PDSS2: variants seen among roughly 807,000 people sequenced by gnomAD.
PDSS2 encodes all trans-polyprenyl-diphosphate synthase PDSS2.
Under a neutral mutation model 44.5 loss-of-function variants are expected in PDSS2, and 31 were observed. The observed-to-expected ratio is 0.70, with a 90% CI of 0.52 to 0.94. The LOEUF (loss-of-function observed/expected upper bound fraction) is 0.94. Among genes scored for constraint, PDSS2 ranks in the 40% least tolerant of loss-of-function variants. PDSS2 has a pLI of 0.00. For synonymous variants in PDSS2, 157 were observed against 180.3 expected (o/e 0.87, Z 1.03); for missense variants, 452 against 482.2 (o/e 0.94, Z 0.59).
intron 1 of PDSS2, among the ~76,000 whole-genome samples, chr6:107,386,688 C>T (rs144851791): frequency 6.6e-6 from 1 of 152,306 alleles, no homozygotes; most frequent in East Asian, 1.9e-4. Flanking sequence ...GATTAGGGTA[C>T]AGCAGACTGC....
chr6:107,282,801 G>A (rs1273797490), intron 2 of PDSS2, among the ~76,000 whole-genome samples: 4 of 150,522 alleles, frequency 2.7e-5, no homozygotes, highest in African/African-American at 7.3e-5. Context: ...CCTGGGAGGC[G>A]GAGCTTGCAG....
At chr6:107,215,539 A>G (rs1339403950) in intron 4 of PDSS2, among the ~76,000 whole-genome samples, 2 of 152,216 alleles carry the variant, frequency 1.3e-5, no homozygotes, top group African/African-American at 4.8e-5. Context: ...ACACAACACC[A>G]CTGATATTTA....
chr6:107,182,872 T>C (rs184180973), intron 7 of PDSS2, among the ~76,000 whole-genome samples: 2 of 152,200 alleles, frequency 1.3e-5, no homozygotes, highest in East Asian at 1.9e-4. Flanking sequence ...GAAAAATAAC[T>C]GGTTTAATCT....
rs906468494 is a variant in PDSS2 at position 107,255,344 on chromosome 6, T to A, written c.631-9725A>T. Among the ~76,000 whole-genome samples, 70 of 151,756 alleles carry A rather than the reference T, an allele frequency of 4.6e-4. 1 individual carries two copies. Among genetic ancestry groups the A allele is most frequent in the African/African-American group, 1.6e-3 (68 of 41,334 alleles). On this transcript the variant is annotated intron_variant, in intron 3 of 7. Transcript: ENST00000369037. ...AGTAGCTGGGATTACAGGCGTCTGC[T>A]ACCACGCCTGGCTAATTTTGCATTT...
At chr6:107,241,518 T>C (rs535887092) in intron 4 of PDSS2, among the ~76,000 whole-genome samples, 1 of 151,636 alleles carries the variant, frequency 6.6e-6, no homozygotes, top group Non-Finnish European at 1.5e-5. Flanking sequence ...AGCTAATTTT[T>C]TGTATTTTTA....
At chr6:107,394,024 T>G (rs567672440) in intron 1 of PDSS2, among the ~76,000 whole-genome samples, 3 of 152,322 alleles carry the variant, frequency 2.0e-5, no homozygotes, top group East Asian at 3.9e-4. Flanking sequence ...GCTTTTTATC[T>G]GGAAGATTTA....
At chr6:107,274,910 TG>T (rs1248124224) in intron 2 of PDSS2, among the ~76,000 whole-genome samples, 1 of 152,134 alleles carries the variant, frequency 6.6e-6, no homozygotes, top group Non-Finnish European at 1.5e-5. Context: ...TGAGCTCAGG[TG>T]ATCTACCTGC....
intron 2 of PDSS2, among the ~76,000 whole-genome samples, chr6:107,285,358 A>G (rs1051963343): frequency 3.3e-5 from 5 of 152,134 alleles, no homozygotes; most frequent in Admixed American, 2.6e-4. Context: ...TAAAAAGTAT[A>G]GTATGGCTGG....
At chr6:107,224,273 C>T (rs1773712336) in intron 4 of PDSS2, among the ~76,000 whole-genome samples, 1 of 151,296 alleles carries the variant, frequency 6.6e-6, no homozygotes, top group Admixed American at 6.6e-5. Flanking sequence ...CTAATAAAAC[C>T]GTAATTTTCT....
intron 1 of PDSS2, among the ~76,000 whole-genome samples, chr6:107,341,344 T>C (rs571658406): frequency 1.3e-5 from 2 of 152,098 alleles, no homozygotes; most frequent in South Asian, 2.1e-4. Context: ...TTAGTAGAGA[T>C]TGGAAAGAAG....
chr6:107,437,925 T>G (rs1781404830), intron 1 of PDSS2, among the ~76,000 whole-genome samples: 1 of 152,210 alleles, frequency 6.6e-6, no homozygotes, highest in Admixed American at 6.5e-5. Flanking sequence ...ATCACTTTAC[T>G]GGCTCTAGTT....
chr6:107,384,382 T>C (rs922452916), intron 1 of PDSS2, among the ~76,000 whole-genome samples: 11 of 152,318 alleles, frequency 7.2e-5, no homozygotes, highest in Admixed American at 6.5e-5. Flanking sequence ...GGCTCACGCC[T>C]GTAATCCCAG....
intron 1 of PDSS2, among the ~76,000 whole-genome samples, chr6:107,414,017 A>G (rs912415873): frequency 6.6e-6 from 1 of 152,258 alleles, no homozygotes. Context: ...AAACAAAAAG[A>G]AAAGTATTTT....
intron 1 of PDSS2, among the ~76,000 whole-genome samples, chr6:107,419,694 A>AAC (rs1310554937): frequency 6.6e-6 from 1 of 152,076 alleles, no homozygotes. Context: ...TAAACACACA[A>AAC]ACACACACAC....
intron 1 of PDSS2, among the ~76,000 whole-genome samples, chr6:107,432,137 C>A (rs2114759343): frequency 6.6e-6 from 1 of 152,278 alleles, no homozygotes; most frequent in East Asian, 1.9e-4. Context: ...GTGGAAGAAG[C>A]AAACAGGTGG....
At chr6:107,204,232 C>T (rs559697521) in intron 6 of PDSS2, among the ~76,000 whole-genome samples, 8 of 152,238 alleles carry the variant, frequency 5.3e-5, no homozygotes, top group South Asian at 2.1e-4. Context: ...TAAGCCACCG[C>T]GCACTGCTTA....
At chr6:107,240,527 T>C (rs1562400701) in intron 4 of PDSS2, among the ~76,000 whole-genome samples, 1 of 150,944 alleles carries the variant, frequency 6.6e-6, no homozygotes, top group Non-Finnish European at 1.5e-5. Flanking sequence ...GCCTCCCGAG[T>C]AGCTGGGATT....
At chr6:107,260,204 C>T (rs540180888) in intron 3 of PDSS2, among the ~76,000 whole-genome samples, 32 of 152,302 alleles carry the variant, frequency 2.1e-4, no homozygotes, top group Admixed American at 1.8e-3. Flanking sequence ...TGGCCTTCAG[C>T]TTTGCCTTAG....
At chr6:107,344,999 T>G (rs1011296245) in intron 1 of PDSS2, among the ~76,000 whole-genome samples, 1 of 152,072 alleles carries the variant, frequency 6.6e-6, no homozygotes, top group Non-Finnish European at 1.5e-5. Context: ...TCTAAGCCCC[T>G]TGGGTTCACA....
Sources: allele counts gnomAD v4.1 joint callset (sites outside exome capture counted in the v4.1 genomes callset), GRCh38; gene constraint gnomAD v4.1.1; transcripts MANE v1.5; gene names NCBI Gene and HGNC (gene_info 2026-07-23, HGNC 2026-07-21).